Variants in RFX7 observed in about 807,000 individuals in gnomAD.
RFX7 encodes regulatory factor X7.
In RFX7, 26 loss-of-function variants were observed where a neutral mutation model predicts 111.8. That is an observed-to-expected ratio of 0.23 (90% CI 0.17 to 0.32). The LOEUF (loss-of-function observed/expected upper bound fraction) is 0.32, where lower values mean the gene tolerates loss of function less well. Among genes scored for constraint, RFX7 ranks in the 10% least tolerant of loss-of-function variants. The pLI is 1.00. For synonymous variants in RFX7, 624 were observed against 624.4 expected (o/e 1.00, Z 0.01); for missense variants, 1,573 against 1,772.9 (o/e 0.89, Z 2.02).
intron 2 of RFX7, among the ~76,000 whole-genome samples, chr15:56,223,989 T>C (rs2043453727): frequency 6.6e-6 from 1 of 151,852 alleles, no homozygotes; most frequent in South Asian, 2.1e-4. Flanking sequence ...AGCTATACAG[T>C]AAAATCCTGG....
intron 2 of RFX7, among the ~76,000 whole-genome samples, chr15:56,210,355 T>C (rs2043300219): frequency 6.6e-6 from 1 of 152,084 alleles, no homozygotes; most frequent in Non-Finnish European, 1.5e-5. Context: ...AATAGACTAT[T>C]ACACTTGAAG....
intron 3 of RFX7, among the ~76,000 whole-genome samples, chr15:56,149,077 C>T (rs534349045): frequency 9.3e-5 from 13 of 139,122 alleles, no homozygotes; most frequent in East Asian, 4.7e-4. Context: ...AGCGAGACTC[C>T]GTCTCAAAAA....
In RFX7 at chr15:56,131,335, T is replaced by TTGGTGTGATCA. The variant is rs11273926; in HGVS notation, c.401+11442_401+11443insTGATCACACCA. On this transcript the variant is annotated intron_variant, in intron 5 of 9. Coordinates refer to ENST00000559447, the MANE Select transcript of RFX7 (RefSeq NM_022841.7). ...ACTCTGTCACCCAGGTTGGAGTGCA[T>TTGGTGTGATCA]TGGCTTACTGCCGCCTCCACCTCCT... Among the ~76,000 whole-genome samples the TTGGTGTGATCA allele has an allele frequency of 2.7e-3, 398 of 146,124 alleles. 3 individuals are homozygous for TTGGTGTGATCA. Among genetic ancestry groups the TTGGTGTGATCA allele is most frequent in the African/African-American group, 9.5e-3 (372 of 39,120 alleles).
At position 56,243,240 on chromosome 15, in the gene RFX7, G is replaced by A; in HGVS notation, c.46C>T (p.His16Tyr). 7.6e-7 allele frequency: 1 copy of A among 1,319,040 alleles called. No individual in the cohort carries two copies. Among genetic ancestry groups the A allele is most frequent in the Non-Finnish European group, 1.0e-6 (1 of 997,994 alleles). 81.7% of individuals were successfully genotyped at this position (1,319,040 alleles called of 1,614,324 possible). ...QQPPPQQPDA[H>Y]QQLPPSAPNS... is the part of the protein sequence containing the mutation. Reference sequence around the variant, plus strand: ...GGGGCGCTGGGGGGAAGCTGCTGATGGGCATCAGGCTGCTGTGGTGGCGGC... The same window carrying A: ...GGGGCGCTGGGGGGAAGCTGCTGATAGGCATCAGGCTGCTGTGGTGGCGGC... The change falls in exon 2 of 10, where the codon CAT (histidine) becomes TAT (tyrosine). Residue 16 changes from histidine to tyrosine, a missense_variant. His to Tyr is a moderately conservative substitution (Grantham distance 83). This residue lies in a region of RFX7 where 191 missense variants were observed against 194.2 expected (regional missense o/e 0.98). Coordinates refer to ENST00000559447, the MANE Select transcript of RFX7 (RefSeq NM_022841.7).
At chr15:56,218,024 G>C (rs1474511072) in intron 2 of RFX7, among the ~76,000 whole-genome samples, 5 of 151,566 alleles carry the variant, frequency 3.3e-5, no homozygotes, top group Non-Finnish European at 7.4e-5. Context: ...AGATGGTTGT[G>C]CCTGTACTGA....
At chr15:56,210,134 G>A (rs1044333958) in intron 2 of RFX7, among the ~76,000 whole-genome samples, 1 of 151,878 alleles carries the variant, frequency 6.6e-6, no homozygotes, top group South Asian at 2.1e-4. Context: ...TATATGGATG[G>A]AAAAAGATAT....
At chr15:56,165,383 A>G (rs750608726) in intron 3 of RFX7, among the ~76,000 whole-genome samples, 16 of 152,240 alleles carry the variant, frequency 1.1e-4, no homozygotes, top group Admixed American at 2.0e-4. Context: ...TCACTACACA[A>G]TTATCTAAAT....
intron 5 of RFX7, among the ~76,000 whole-genome samples, chr15:56,110,512 C>A (rs2041911290): frequency 1.1e-5 from 1 of 93,576 alleles, no homozygotes; most frequent in African/African-American, 3.9e-5. Flanking sequence ...GCCCCTCTGC[C>A]CGGCCAGCTG....
At chr15:56,157,830 C>T (rs532848920) in intron 3 of RFX7, among the ~76,000 whole-genome samples, 7 of 152,300 alleles carry the variant, frequency 4.6e-5, no homozygotes, top group Non-Finnish European at 7.3e-5. Flanking sequence ...CTGCCCGCCT[C>T]GGCCTCCCAA....
At chr15:56,232,001 A>G (rs1250938650) in intron 2 of RFX7, among the ~76,000 whole-genome samples, 1 of 152,184 alleles carries the variant, frequency 6.6e-6, no homozygotes, top group African/African-American at 2.4e-5. Flanking sequence ...GTGGGTTCCC[A>G]TGGTCTTGAG....
At chr15:56,227,730 T>C (rs983775745) in intron 2 of RFX7, among the ~76,000 whole-genome samples, 15 of 152,328 alleles carry the variant, frequency 9.8e-5, no homozygotes, top group African/African-American at 2.6e-4. Context: ...TGTTATTATT[T>C]TGAACTGTTA....
chr15:56,109,665 C>G (rs1211964999), intron 5 of RFX7, among the ~76,000 whole-genome samples: 1 of 151,788 alleles, frequency 6.6e-6, no homozygotes, highest in Non-Finnish European at 1.5e-5. Flanking sequence ...GGCCGCCCAT[C>G]GTCTGAGATG....
chr15:56,203,032 CA>C (rs1173382552), intron 2 of RFX7, among the ~76,000 whole-genome samples: 5 of 151,404 alleles, frequency 3.3e-5, no homozygotes, highest in African/African-American at 9.7e-5. Context: ...CTCCCCCCAC[CA>C]AAAAAAAGTG....
In RFX7 at chr15:56,156,301, A is replaced by G. The variant is rs1275767803; in HGVS notation, c.196-11818T>C. Among the ~76,000 whole-genome samples, 5 of 152,150 alleles carry G rather than the reference A, an allele frequency of 3.3e-5. 1 individual carries two copies. Among genetic ancestry groups the G allele is most frequent in the African/African-American group, 9.7e-5 (4 of 41,370 alleles). On this transcript the variant is annotated intron_variant, in intron 3 of 9. Coordinates refer to ENST00000559447, the MANE Select transcript of RFX7 (RefSeq NM_022841.7). ...ATATCTCATTTAATTTTTAAAAATT[A>G]AAACTACAAAGTATTTCAAACACAG...
rs74809749 is a variant in RFX7 at position 56,222,819 on chromosome 15, T to C, written c.161+20306A>G. ...CATCTCTGGGTCTATTTCTATTTTT[T>C]TCCCTATAGTTCCCTGCTTCTTCAT... On this transcript the variant is annotated intron_variant, in intron 2 of 9. Transcript: ENST00000559447. Among the ~76,000 whole-genome samples the C allele has an allele frequency of 8.3e-4, 126 of 152,332 alleles. 1 individual carries two copies. In the East Asian group the frequency reaches 0.019, roughly 23 times the overall value.
rs2041590049 is a variant in RFX7 at position 56,091,023 on chromosome 15, C to T, written c.*2322G>A. On this transcript the variant is annotated 3_prime_UTR_variant, in exon 10 of 10. Coordinates refer to ENST00000559447, the MANE Select transcript of RFX7 (RefSeq NM_022841.7). ...CTATGCTTGCCTGGTTAACACTGAACCAGTTTCAATACAGCGAAGAAAAAA... is the reference window on the plus strand; with the variant it reads ...CTATGCTTGCCTGGTTAACACTGAATCAGTTTCAATACAGCGAAGAAAAAA... The T allele has an allele frequency of 6.6e-6, 1 of 152,384 alleles. No individual in the cohort carries two copies. The allele number at this position is 152,384 out of a possible 1,614,324, so 9.4% of individuals were successfully genotyped here.
At chr15:56,174,863 T>G (rs886713891) in intron 3 of RFX7, among the ~76,000 whole-genome samples, 25 of 151,778 alleles carry the variant, frequency 1.6e-4, no homozygotes, top group African/African-American at 4.6e-4. Flanking sequence ...AAGCTAATGT[T>G]AACTTCATAT....
intron 5 of RFX7, among the ~76,000 whole-genome samples, chr15:56,114,293 C>A (rs1319484676): frequency 6.6e-6 from 1 of 151,260 alleles, no homozygotes; most frequent in Admixed American, 6.6e-5. Flanking sequence ...CGCCTGTAAT[C>A]CCAGTTACTT....
chr15:56,126,146 A>G (rs1483937459), intron 5 of RFX7, among the ~76,000 whole-genome samples: 1 of 152,238 alleles, frequency 6.6e-6, no homozygotes, highest in Non-Finnish European at 1.5e-5. Context: ...TGATCCATCA[A>G]CATTTAGGGA....
Sources: gnomAD v4.1 joint callset for allele counts (sites outside exome capture counted in the v4.1 genomes callset) on GRCh38, gnomAD v4.1.1 for gene constraint, gnomAD v4.1.1 regional missense constraint, MANE v1.5 for transcripts, NCBI Gene and HGNC (gene_info 2026-07-23, HGNC 2026-07-21) for gene names.